Variants in RGS7 observed in about 807,000 individuals in gnomAD.
RGS7 encodes the protein regulator of G protein signaling 7, also known as regulator of G-protein signaling 7.
RGS7 carries 27 observed loss-of-function variants against 81.1 expected under a neutral mutation model. The observed-to-expected ratio is 0.33, with a 90% CI of 0.25 to 0.46. The LOEUF is 0.46. Ranked by LOEUF, RGS7 falls within the 20% of genes least tolerant of loss-of-function variation. The pLI is 1.00. For synonymous variants in RGS7, 208 were observed against 207.7 expected (o/e 1.00, Z -0.01); for missense variants, 396 against 607.4 (o/e 0.65, Z 3.66).
At chr1:240,995,583 T>A (rs1007919972) in intron 3 of RGS7, among the ~76,000 whole-genome samples, 2 of 152,190 alleles carry the variant, frequency 1.3e-5, no homozygotes, top group African/African-American at 2.4e-5. Flanking sequence ...GAGACACTGA[T>A]CAGTTTTGTA....
intron 2 of RGS7, among the ~76,000 whole-genome samples, chr1:241,248,333 T>A (rs1480443761): frequency 6.7e-6 from 1 of 148,550 alleles, no homozygotes; most frequent in Non-Finnish European, 1.5e-5. Flanking sequence ...TATGGCTGGG[T>A]CCTGTTGTAG....
Position 241,327,906 on chromosome 1 carries a change from T to C in RGS7, c.78+27793A>G, listed in dbSNP as rs532637185. Among the ~76,000 whole-genome samples, 3 of 152,320 alleles carry C rather than the reference T, an allele frequency of 2.0e-5. No individual in the cohort carries two copies. The South Asian group carries it at 6.2e-4, about 32-fold the overall frequency. On this transcript the variant is annotated intron_variant, in intron 2 of 18. Transcript: ENST00000440928. ...AGAAAAAGGCTTCTTAGAGTACAGC[T>C]ACCACATTCTAGTACAGACTGTAAA... is the stretch of plus-strand genomic sequence containing the variant.
At chr1:241,239,188 C>T (rs1204334079) in intron 2 of RGS7, among the ~76,000 whole-genome samples, 1 of 151,838 alleles carries the variant, frequency 6.6e-6, no homozygotes, top group Non-Finnish European at 1.5e-5. Flanking sequence ...AGGATGTTCT[C>T]GATCTCCGGA....
At position 241,163,756 on chromosome 1, in the gene RGS7, G is replaced by A. The variant is rs1187107169; in HGVS notation, c.79-64994C>T. 6.6e-6 allele frequency among the ~76,000 whole-genome samples: 1 copy of A among 152,116 alleles called. No homozygotes were observed. Among genetic ancestry groups the A allele is most frequent in the Non-Finnish European group, 1.5e-5 (1 of 68,024 alleles). On this transcript the variant is annotated intron_variant, in intron 2 of 18. Transcript: ENST00000440928. The surrounding 1 kb of genome is among the most constrained non-coding windows in gnomAD (Gnocchi z 4.6). ...ACTGGGGAGTTGGGATAATCACTCT[G>A]CAGTTTTCCCCCATGCACATGTTAT...
chr1:241,221,749 C>A (rs927669282), intron 2 of RGS7, among the ~76,000 whole-genome samples: 5 of 152,198 alleles, frequency 3.3e-5, no homozygotes, highest in African/African-American at 9.7e-5. Context: ...AAAAAGAATT[C>A]TGTAGGAGAT....
At chr1:241,149,917 G>A (rs778934797) in intron 2 of RGS7, among the ~76,000 whole-genome samples, 24 of 152,086 alleles carry the variant, frequency 1.6e-4, no homozygotes, top group Non-Finnish European at 3.2e-4. Context: ...CTGGGATTAC[G>A]GGTGTGTGCC....
At chr1:241,157,584 A>G (rs1040668820) in intron 2 of RGS7, among the ~76,000 whole-genome samples, 2 of 152,184 alleles carry the variant, frequency 1.3e-5, no homozygotes, top group African/African-American at 4.8e-5. Flanking sequence ...AGGCAAATTC[A>G]GACAGCTGTT....
At chr1:241,020,760 T>C (rs1461325065) in intron 3 of RGS7, among the ~76,000 whole-genome samples, 2 of 152,164 alleles carry the variant, frequency 1.3e-5, no homozygotes, top group Non-Finnish European at 2.9e-5. Flanking sequence ...CCTAGAAGAA[T>C]AGAGAGTAGT....
chr1:241,100,374 C>CAAA lies in RGS7; in HGVS notation c.79-1615_79-1613dup, dbSNP rs753787286. Reference sequence around the variant, plus strand: ...TGGGCAAAAGAGCAAGACTCCATTTCAAAAAAAAAAAAAAAAAAAAAAATT... The same window carrying CAAA: ...TGGGCAAAAGAGCAAGACTCCATTTCAAAAAAAAAAAAAAAAAAAAAAAAAATT... On this transcript the variant is annotated intron_variant, in intron 2 of 18. Coordinates refer to ENST00000440928, the MANE Select transcript of RGS7 (RefSeq NM_001364886.1). Among the ~76,000 whole-genome samples, 538 of 80,318 alleles carry CAAA rather than the reference C, an allele frequency of 6.7e-3. 12 individuals carry two copies. Among genetic ancestry groups the CAAA allele is most frequent in the African/African-American group, 0.015 (352 of 23,660 alleles). The allele number at this position is 80,318 out of a possible 152,430, so 52.7% of individuals were successfully genotyped here. A position where few individuals can be genotyped will look rare whatever the true frequency, so the allele number is the denominator to read the frequency against.
chr1:241,355,840 G>T lies in RGS7; in HGVS notation c.-50-14C>A. The T allele has an allele frequency of 7.2e-7, 1 of 1,392,154 alleles. No homozygotes were observed. Among genetic ancestry groups the T allele is most frequent in the Non-Finnish European group, 1.0e-6 (1 of 977,644 alleles). The allele number at this position is 1,392,154 out of a possible 1,614,324, so 86.2% of individuals were successfully genotyped here. A position where few individuals can be genotyped will look rare whatever the true frequency, so the allele number is the denominator to read the frequency against. ...TATCAGTGTGCCCTGCAAAGGGTCAGAGAGACTTCAGTGAGATCCCAGTGG... is the reference window on the plus strand; with the variant it reads ...TATCAGTGTGCCCTGCAAAGGGTCATAGAGACTTCAGTGAGATCCCAGTGG... On this transcript the variant is annotated splice_polypyrimidine_tract_variant and intron_variant, in intron 1 of 18. Coordinates refer to ENST00000440928, the MANE Select transcript of RGS7 (RefSeq NM_001364886.1).
At chr1:241,267,393 C>G (rs865941770) in intron 2 of RGS7, among the ~76,000 whole-genome samples, 2 of 152,192 alleles carry the variant, frequency 1.3e-5, no homozygotes, top group Middle Eastern at 3.2e-3. Context: ...AGCTGGAGCC[C>G]ATTCCTATTT....
At chr1:241,004,811 G>T (rs1270256391) in intron 3 of RGS7, among the ~76,000 whole-genome samples, 2 of 152,176 alleles carry the variant, frequency 1.3e-5, no homozygotes, top group Non-Finnish European at 2.9e-5. Flanking sequence ...AACAAGGCAG[G>T]TCAGATAACT....
chr1:240,801,406 A>C (rs1002344619), intron 17 of RGS7, 49 bp downstream of exon 17: 4 of 1,300,152 alleles, frequency 3.1e-6, no homozygotes, highest in Admixed American at 1.8e-5. Flanking sequence ...AAATTGGAAA[A>C]ATTTCATTGG....
intron 2 of RGS7, among the ~76,000 whole-genome samples, chr1:241,110,309 C>T (rs1413722739): frequency 6.6e-6 from 1 of 152,152 alleles, no homozygotes; most frequent in Non-Finnish European, 1.5e-5. Context: ...CAGTTCCTGA[C>T]AGATGAAAGG....
rs2070007650 is a variant in RGS7 at position 241,164,417 on chromosome 1, T to C, written c.79-65655A>G. 6.6e-6 allele frequency among the ~76,000 whole-genome samples: 1 copy of C among 152,068 alleles called. No individual in the cohort carries two copies. Among genetic ancestry groups the C allele is most frequent in the Non-Finnish European group, 1.5e-5 (1 of 68,016 alleles). On this transcript the variant is annotated intron_variant, in intron 2 of 18. Transcript: ENST00000440928. This position sits in a 1 kb window ranked among gnomAD's most constrained non-coding sequence, Gnocchi z 4.1. ...TCCCAGCCCTCCAATCATGCATTGG[T>C]CTTTTCAGCGTCCGGTCCCCATCCT...
At chr1:241,022,346 A>G (rs1188346736) in intron 3 of RGS7, among the ~76,000 whole-genome samples, 1 of 152,222 alleles carries the variant, frequency 6.6e-6, no homozygotes, top group Non-Finnish European at 1.5e-5. Context: ...TTTGAAACAT[A>G]AAATAACAGT....
intron 3 of RGS7, among the ~76,000 whole-genome samples, chr1:241,036,184 T>A (rs2060315896): frequency 6.6e-6 from 1 of 152,226 alleles, no homozygotes; most frequent in African/African-American, 2.4e-5. Context: ...AGCAAGAGTT[T>A]AGTTACCTTC....
intron 2 of RGS7, among the ~76,000 whole-genome samples, chr1:241,128,536 G>C (rs2103027767): frequency 6.6e-6 from 1 of 152,110 alleles, no homozygotes. Flanking sequence ...AGTGAGCCGA[G>C]ATTGTGCCAC....
At position 240,811,935 on chromosome 1, in the gene RGS7, G is replaced by A. The variant is rs755357638; in HGVS notation, c.1065C>T (p.Phe355=). 5.0e-6 allele frequency: 8 copies of A among 1,612,878 alleles called. No homozygotes were observed. The Admixed American group carries it at 5.0e-5, about 10-fold the overall frequency. The part of the protein sequence containing the change: ...EQFLKFLESE[F]SSENLRFWLA... ...TGTTTTACCTTAAATTTTCCGAGCT[G>A]AATTCTGACTCTAGAAATTTAAGGA... Residue 355 remains phenylalanine, a synonymous_variant, in exon 14 of 19, where the codon TTC becomes TTT. Transcript: ENST00000440928.
Sources: gnomAD v4.1 joint callset for allele counts (sites outside exome capture counted in the v4.1 genomes callset) on GRCh38, gnomAD v4.1.1 for gene constraint, Gnocchi (gnomAD v3.1) non-coding constraint, MANE v1.5 for transcripts, NCBI Gene and HGNC (gene_info 2026-07-23, HGNC 2026-07-21) for gene names.